DLGAP2: variants seen among roughly 807,000 people sequenced by gnomAD.
DLGAP2 encodes the protein disks large-associated protein 2.
DLGAP2 carries 26 observed loss-of-function variants against 100.3 expected under a neutral mutation model. That is an observed-to-expected ratio of 0.26 (90% confidence interval 0.19 to 0.36). The LOEUF (loss-of-function observed/expected upper bound fraction) is 0.36. Among genes scored for constraint, DLGAP2 ranks in the 10% least tolerant of loss-of-function variants. The pLI is 1.00. For synonymous variants in DLGAP2, 886 were observed against 630.1 expected (o/e 1.41, Z -6.08); for missense variants, 1,858 against 1,453.2 (o/e 1.28, Z -4.53).
intron 2 of DLGAP2, among the ~76,000 whole-genome samples, chr8:1,182,711 G>T (rs2116706055): frequency 6.6e-6 from 1 of 152,336 alleles, no homozygotes; most frequent in African/African-American, 2.4e-5. Context: ...CATCACGTCT[G>T]CGCTGCCCTG....
rs184721135 is a variant in DLGAP2 at position 964,736 on chromosome 8, G to T, written c.73+56770G>T. On this transcript the variant is annotated intron_variant, in intron 2 of 14. Transcript: ENST00000637795. ...AGGCCTTTGGACATTTGCTCTCAAG[G>T]GTGGGCACCGCCTCCACCTACCCTC... Among the ~76,000 whole-genome samples the T allele has an allele frequency of 2.8e-3, 433 of 152,268 alleles. 1 individual carries two copies. The highest frequency in any genetic ancestry group is 4.8e-3 in the South Asian group (23 of 4,828).
intron 1 of DLGAP2, among the ~76,000 whole-genome samples, chr8:746,674 C>A (rs1186398615): frequency 6.6e-6 from 1 of 152,230 alleles, no homozygotes; most frequent in East Asian, 1.9e-4. Context: ...TTTTGATTTT[C>A]TGTTTTTGTT....
chr8:1,075,332 G>A (rs1004493816), intron 2 of DLGAP2, among the ~76,000 whole-genome samples: 3 of 152,118 alleles, frequency 2.0e-5, no homozygotes, highest in Admixed American at 6.5e-5. Flanking sequence ...GGATTGAGGC[G>A]TGCATTGTGG....
intron 2 of DLGAP2, among the ~76,000 whole-genome samples, chr8:1,188,414 C>T (rs1431790358): frequency 3.7e-4 from 47 of 126,026 alleles, no homozygotes; most frequent in Non-Finnish European, 9.2e-5. Context: ...ATTTGCCTCA[C>T]AGAATCGCGC....
At chr8:1,251,759 G>A (rs1018412470) in intron 2 of DLGAP2, among the ~76,000 whole-genome samples, 29 of 152,202 alleles carry the variant, frequency 1.9e-4, no homozygotes, top group African/African-American at 6.0e-4. Flanking sequence ...GTACAGTCAC[G>A]TTGTCATCTT....
chr8:1,632,925 A>T lies in DLGAP2; in HGVS notation c.1689A>T (p.Gly563=). The change falls in exon 8 of 15, where the codon GGA becomes GGT. Residue 563 remains glycine, a synonymous_variant. Transcript: ENST00000637795. ...SQAMDALDLP[G]CFRTRSHSYL... ...CCATGGATGCCCTCGACCTCCCGGGATGTTTCCGAACAAGGAGTCACAGCT... is the reference window on the plus strand; with the variant it reads ...CCATGGATGCCCTCGACCTCCCGGGTTGTTTCCGAACAAGGAGTCACAGCT... 2.5e-6 allele frequency: 4 copies of T among 1,613,900 alleles called. No individual in the cohort carries two copies. Among genetic ancestry groups the T allele is most frequent in the East Asian group, 2.2e-5 (1 of 44,876 alleles).
chr8:1,063,436 C>T (rs184899371), intron 2 of DLGAP2, among the ~76,000 whole-genome samples: 8 of 151,734 alleles, frequency 5.3e-5, no homozygotes, highest in Non-Finnish European at 7.4e-5. Flanking sequence ...TAACAAGTGA[C>T]GGGCACCTGT....
intron 1 of DLGAP2, among the ~76,000 whole-genome samples, chr8:872,977 C>T (rs1797626788): frequency 6.6e-6 from 1 of 152,166 alleles, no homozygotes; most frequent in Non-Finnish European, 1.5e-5. Context: ...CTCCTGCATA[C>T]TTTAAATCAT....
chr8:965,894 G>A (rs1335513056), intron 2 of DLGAP2, among the ~76,000 whole-genome samples: 50 of 151,858 alleles, frequency 3.3e-4, no homozygotes, highest in Admixed American at 3.1e-3. Context: ...GTTCACCACC[G>A]CATGTGGCTC....
chr8:1,320,061 G>C (rs1401500141), intron 3 of DLGAP2, among the ~76,000 whole-genome samples: 1 of 152,066 alleles, frequency 6.6e-6, no homozygotes, highest in Non-Finnish European at 1.5e-5. Flanking sequence ...GGGAGTTGAG[G>C]AACTCGGGAG....
chr8:1,297,156 GC>G (rs1800199784), intron 3 of DLGAP2: 1 of 152,278 alleles, frequency 6.6e-6, no homozygotes, highest in Non-Finnish European at 1.5e-5. Context: ...CGTTTTTACA[GC>G]AATGCGGCAA....
chr8:1,069,475 G>T (rs930929293), intron 2 of DLGAP2, among the ~76,000 whole-genome samples: 1 of 152,106 alleles, frequency 6.6e-6, no homozygotes, highest in Non-Finnish European at 1.5e-5. Context: ...CAAAAAGAAG[G>T]CTCAGCAACC....
intron 2 of DLGAP2, among the ~76,000 whole-genome samples, chr8:984,232 A>G (rs1800423618): frequency 6.6e-6 from 1 of 152,222 alleles, no homozygotes; most frequent in African/African-American, 2.4e-5. Flanking sequence ...TGGGCACAGC[A>G]CAGCTTTGTC....
intron 2 of DLGAP2, among the ~76,000 whole-genome samples, chr8:1,191,220 G>A: frequency 7.6e-6 from 1 of 130,804 alleles, no homozygotes; most frequent in East Asian, 2.2e-4. Context: ...CACCCAGGCT[G>A]GAGTACAGTG....
intron 1 of DLGAP2, among the ~76,000 whole-genome samples, chr8:854,066 C>G (rs868165685): frequency 1.3e-5 from 2 of 152,130 alleles, no homozygotes; most frequent in African/African-American, 4.8e-5. Flanking sequence ...GAGTGGAATC[C>G]GCTGTGCCTG....
At chr8:1,658,762 C>T (rs929161815) in intron 8 of DLGAP2, among the ~76,000 whole-genome samples, 1 of 152,040 alleles carries the variant, frequency 6.6e-6, no homozygotes, top group East Asian at 1.9e-4. Context: ...GGCTACCGGT[C>T]CATGTATTTT....
chr8:1,156,143 C>T (rs1282762274), intron 2 of DLGAP2, among the ~76,000 whole-genome samples: 1 of 152,176 alleles, frequency 6.6e-6, no homozygotes, highest in African/African-American at 2.4e-5. Flanking sequence ...CCCTAGGAGC[C>T]TCCCCTGGGC....
chr8:1,318,938 C>T (rs11782963), intron 3 of DLGAP2, among the ~76,000 whole-genome samples: 1 of 151,888 alleles, frequency 6.6e-6, no homozygotes, highest in Non-Finnish European at 1.5e-5. Context: ...AAACGCTCAG[C>T]ATGGTTTTTC....
chr8:1,594,832 C>G (rs1430765471), intron 6 of DLGAP2, among the ~76,000 whole-genome samples: 1 of 152,054 alleles, frequency 6.6e-6, no homozygotes, highest in Non-Finnish European at 1.5e-5. Flanking sequence ...CATTCCTGCC[C>G]CTGATCTTTC....
Sources: allele counts gnomAD v4.1 joint callset (sites outside exome capture counted in the v4.1 genomes callset), GRCh38; gene constraint gnomAD v4.1.1; transcripts MANE v1.5; gene names NCBI Gene and HGNC (gene_info 2026-07-23, HGNC 2026-07-21).